Variants in CYTH3 observed in about 807,000 individuals in gnomAD.
CYTH3 encodes cytohesin-3.
Under a neutral mutation model 55.1 loss-of-function variants are expected in CYTH3, and 23 were observed. That is an observed-to-expected ratio of 0.42 (90% confidence interval 0.30 to 0.59). CYTH3 has a LOEUF of 0.59. Among genes scored for constraint, CYTH3 ranks in the 20% least tolerant of loss-of-function variants. The probability of loss-of-function intolerance (pLI) is 0.20; values close to 1 mark genes in which losing one functional copy is unlikely to be tolerated. For synonymous variants in CYTH3, 249 were observed against 194.9 expected (o/e 1.28, Z -2.31); for missense variants, 413 against 524.8 (o/e 0.79, Z 2.08).
intron 1 of CYTH3, among the ~76,000 whole-genome samples, chr7:6,255,769 T>G (rs182336724): frequency 4.2e-4 from 61 of 145,054 alleles, no homozygotes; most frequent in East Asian, 1.4e-3. Context: ...TTTTTTTTTT[T>G]TTTTTTTTTT....
In CYTH3 at chr7:6,179,587, GAC is replaced by G. The variant is rs138381423; in HGVS notation, c.250-1648_250-1647del. 9.1e-5 allele frequency among the ~76,000 whole-genome samples: 13 copies of G among 143,378 alleles called. No homozygotes were observed. In the South Asian group the frequency reaches 1.7e-3, roughly 19 times the overall value. 94.1% of individuals were successfully genotyped at this position (143,378 alleles called of 152,430 possible). A position where few individuals can be genotyped will look rare whatever the true frequency, so the allele number is the denominator to read the frequency against. On this transcript the variant is annotated intron_variant, in intron 4 of 12. Transcript: ENST00000350796. ...GGGGCACCATCTAAATTACAAGACA[GAC>G]ACACACACACACACCACACACCACA...
rs545398388 is a variant in CYTH3, at chr7:6,192,398, A to T, written c.35-1867T>A. 1.9e-3 allele frequency among the ~76,000 whole-genome samples: 282 copies of T among 148,102 alleles called. 1 individual carries two copies. The highest frequency in any genetic ancestry group is 3.4e-3 in the Middle Eastern group (1 of 294). On this transcript the variant is annotated intron_variant, in intron 1 of 12. Coordinates refer to ENST00000350796, the MANE Select transcript of CYTH3 (RefSeq NM_004227.4). ...ATGTCTGGCTAATTTTTTTTTTTTT[A>T]AATTTAAAGACAGGGTCTTGCTATG...
At chr7:6,235,900 C>T (rs1217581295) in intron 1 of CYTH3, among the ~76,000 whole-genome samples, 1 of 152,194 alleles carries the variant, frequency 6.6e-6, no homozygotes, top group Non-Finnish European at 1.5e-5. Context: ...TGAATCAGTA[C>T]AGGGCAGTAG....
chr7:6,173,928 C>G (rs1374460328), intron 5 of CYTH3, among the ~76,000 whole-genome samples, 195 bp from the exon 6 acceptor site: 3 of 152,148 alleles, frequency 2.0e-5, no homozygotes, highest in African/African-American at 7.2e-5. Context: ...CTCCTGGGCT[C>G]AAGTGGTCCT....
intron 1 of CYTH3, among the ~76,000 whole-genome samples, chr7:6,270,579 T>C (rs1049359235): frequency 2.6e-5 from 4 of 152,248 alleles, no homozygotes; most frequent in Non-Finnish European, 4.4e-5. Flanking sequence ...AACCATGATG[T>C]ATAAAACTGC....
intron 4 of CYTH3, among the ~76,000 whole-genome samples, chr7:6,180,849 G>T (rs1389626169): frequency 6.6e-6 from 1 of 151,982 alleles, no homozygotes; most frequent in Non-Finnish European, 1.5e-5. Context: ...TCCAAAGCTG[G>T]ATTTTATTTT....
At chr7:6,190,000 C>T (rs1166589769) in intron 2 of CYTH3, among the ~76,000 whole-genome samples, 3 of 152,120 alleles carry the variant, frequency 2.0e-5, no homozygotes, top group Non-Finnish European at 2.9e-5. Context: ...TGTGCCACTG[C>T]ACTCCAGCCT....
In CYTH3 at chr7:6,171,094, G is replaced by A. The variant is rs6957615; in HGVS notation, c.562+108C>T. 8.6e-3 allele frequency: 13,680 copies of A among 1,584,030 alleles called. 1,056 individuals carry two copies. In the African/African-American group the frequency reaches 0.16, roughly 19 times the overall value. The stretch of plus-strand genomic sequence containing the variant: ...GGCCCACAGGTCGTCCTCGCTCAGG[G>A]AAGGCAGGTCCCCAGGAACACACGC... On this transcript the variant is annotated intron_variant, in intron 7 of 12. Coordinates refer to ENST00000350796, the MANE Select transcript of CYTH3 (RefSeq NM_004227.4). The surrounding 1 kb of genome is among the most constrained non-coding windows in gnomAD (Gnocchi z 6.7).
rs1024360348 is a variant in CYTH3, at chr7:6,187,814, C to A, written c.118-93G>T. ...TTTAGTTCTCTTGTGACAAGCTTCC[C>A]TGCGGTCTCACCGGAGCATCACAGG... is the stretch of plus-strand genomic sequence containing the variant. On this transcript the variant is annotated intron_variant, in intron 2 of 12. Coordinates refer to ENST00000350796, the MANE Select transcript of CYTH3 (RefSeq NM_004227.4). The A allele has an allele frequency of 4.0e-5, 40 of 1,012,608 alleles. 1 individual carries two copies. The South Asian group carries it at 5.0e-4, about 13-fold the overall frequency. 62.7% of individuals were successfully genotyped at this position (1,012,608 alleles called of 1,614,324 possible). A position where few individuals can be genotyped will look rare whatever the true frequency, so the allele number is the denominator to read the frequency against.
At chr7:6,269,937 C>G (rs1426584009) in intron 1 of CYTH3, among the ~76,000 whole-genome samples, 2 of 152,150 alleles carry the variant, frequency 1.3e-5, no homozygotes, top group East Asian at 1.9e-4. Context: ...ATTATTTACC[C>G]TATCTTTTAA....
chr7:6,179,157 G>A (rs111976956), intron 4 of CYTH3, among the ~76,000 whole-genome samples: 4,115 of 152,250 alleles, frequency 0.027, 82 homozygotes, highest in Middle Eastern at 0.068. Flanking sequence ...GAACCGATCA[G>A]TACATTCTGG....
chr7:6,251,564 C>T (rs1418933626), intron 1 of CYTH3, among the ~76,000 whole-genome samples: 1 of 152,146 alleles, frequency 6.6e-6, no homozygotes, highest in Non-Finnish European at 1.5e-5. Flanking sequence ...GCAAAATTCT[C>T]CGCCCTTAAA....
Position 6,165,301 on chromosome 7 carries a change from C to T in CYTH3, c.1099G>A (p.Glu367Lys), listed in dbSNP as rs767216711. Residue 367 changes from glutamate (E) to lysine (K), a missense_variant, in exon 12 of 13, where the codon GAG becomes AAG. Around this residue, in one of 4 missense-constraint regions of CYTH3, gnomAD observed 98 missense variants for 115.2 expected, o/e 0.85. Transcript: ENST00000350796. The stretch of plus-strand genomic sequence containing the variant: ...ATGGATTTCATCCACTCCTCCTTCT[C>T]CTCCGGGCTCGGGGCTGAGATCCGG... Reference protein sequence around the residue: ...VYRISAPSPEEKEEWMKSIKA... With the variant: ...VYRISAPSPEKKEEWMKSIKA... The T allele has an allele frequency of 1.2e-6, 2 of 1,613,622 alleles. No individual in the cohort carries two copies. Among genetic ancestry groups the T allele is most frequent in the South Asian group, 1.1e-5 (1 of 91,062 alleles).
At chr7:6,250,305 T>C (rs747476724) in intron 1 of CYTH3, among the ~76,000 whole-genome samples, 2 of 152,228 alleles carry the variant, frequency 1.3e-5, no homozygotes, top group Non-Finnish European at 2.9e-5. Context: ...AAGGATTTGA[T>C]GTGGTCCTTC....
At chr7:6,221,372 T>C (rs551335365) in intron 1 of CYTH3, among the ~76,000 whole-genome samples, 2 of 152,150 alleles carry the variant, frequency 1.3e-5, no homozygotes, top group Non-Finnish European at 2.9e-5. Context: ...AATGATAACA[T>C]CTCAGAGGTG....
chr7:6,247,731 C>A (rs1459380117), intron 1 of CYTH3, among the ~76,000 whole-genome samples: 1 of 152,086 alleles, frequency 6.6e-6, no homozygotes, highest in African/African-American at 2.4e-5. Flanking sequence ...GCAGTCTTGA[C>A]AACTTCTGGG....
chr7:6,259,776 ATATATATAATATATATATATAT>A (rs1780262781), intron 1 of CYTH3, among the ~76,000 whole-genome samples: 4 of 19,844 alleles, frequency 2.0e-4, no homozygotes, highest in Non-Finnish European at 2.0e-4. Context: ...TATATATTAT[ATATATATAATATATATATATAT>A]ATATATATAT....
chr7:6,179,062 G>A (rs1375279263), intron 4 of CYTH3, among the ~76,000 whole-genome samples: 2 of 152,136 alleles, frequency 1.3e-5, no homozygotes, highest in African/African-American at 4.8e-5. Flanking sequence ...TACCCTCACG[G>A]TCCATCCAGA....
chr7:6,249,244 G>T (rs577631876), intron 1 of CYTH3, among the ~76,000 whole-genome samples: 1 of 152,282 alleles, frequency 6.6e-6, no homozygotes, highest in East Asian at 1.9e-4. Flanking sequence ...GGATGAAAAA[G>T]ATAGGGCCCT....
Sources: allele counts gnomAD v4.1 joint callset (sites outside exome capture counted in the v4.1 genomes callset), GRCh38; gene constraint gnomAD v4.1.1; regional missense constraint gnomAD v4.1.1; non-coding constraint Gnocchi (gnomAD v3.1); transcripts MANE v1.5; gene names NCBI Gene and HGNC (gene_info 2026-07-23, HGNC 2026-07-21).